The following ZNF236 variants were observed in gnomAD, a reference collection of about 807,000 sequenced individuals.
The protein encoded by ZNF236 is regulated by glucose.
In ZNF236, 50 loss-of-function variants were observed where a neutral mutation model predicts 191.2. The ratio of observed to expected loss-of-function variants is 0.26; its 90% CI spans 0.21 to 0.33. The LOEUF (loss-of-function observed/expected upper bound fraction) is 0.33, where lower values mean the gene tolerates loss of function less well. Ranked by LOEUF, ZNF236 falls within the 10% of genes least tolerant of loss-of-function variation. The pLI, the probability that ZNF236 is intolerant of heterozygous loss-of-function variation, is 1.00. For synonymous variants in ZNF236, 907 were observed against 928.8 expected (o/e 0.98, Z 0.43); for missense variants, 1,754 against 2,374.5 (o/e 0.74, Z 5.43).
At chr18:76,895,968 C>T (rs472676) in intron 10 of ZNF236, among the ~76,000 whole-genome samples, 49,556 of 151,830 alleles carry the variant, frequency 0.33, 8,665 homozygotes, top group East Asian at 0.52. Flanking sequence ...AAGTATGGCC[C>T]GCAGTGCTGC....
At position 76,919,522 on chromosome 18, in the gene ZNF236, G is replaced by A. The variant is rs987158277; in HGVS notation, c.3275-254G>A. 3.3e-5 allele frequency among the ~76,000 whole-genome samples: 5 copies of A among 152,042 alleles called. No homozygotes were observed. Among genetic ancestry groups the A allele is most frequent in the Non-Finnish European group, 2.9e-5 (2 of 68,010 alleles). On this transcript the variant is annotated intron_variant, in intron 19 of 30. Coordinates refer to ENST00000320610, the MANE Select transcript of ZNF236 (RefSeq NM_001306089.2). The surrounding 1 kb of genome is among the most constrained non-coding windows in gnomAD (Gnocchi z 5.3). Reference sequence around the variant, plus strand: ...TAGAGCTTATTCCTTCTATCTAAGCGGATGTTTTCACCCCTTCACCAACCT... The same window carrying A: ...TAGAGCTTATTCCTTCTATCTAAGCAGATGTTTTCACCCCTTCACCAACCT...
At chr18:76,964,855 C>A (rs376461481) in intron 30 of ZNF236, among the ~76,000 whole-genome samples, 2 of 152,112 alleles carry the variant, frequency 1.3e-5, no homozygotes, top group Non-Finnish European at 2.9e-5. Flanking sequence ...GATGACAATG[C>A]GACTAAGCAA....
At chr18:76,959,112 A>C (rs1262192199) in intron 28 of ZNF236, among the ~76,000 whole-genome samples, 2 of 152,244 alleles carry the variant, frequency 1.3e-5, no homozygotes, top group East Asian at 1.9e-4. Context: ...TCACAACAGG[A>C]GAAGGGAACA....
chr18:76,876,200 G>A (rs1568207859), intron 6 of ZNF236, among the ~76,000 whole-genome samples: 1 of 152,192 alleles, frequency 6.6e-6, no homozygotes, highest in African/African-American at 2.4e-5. Context: ...AGAGCATACT[G>A]ATGTGTAGAT....
chr18:76,893,650 G>A (rs1977313943), intron 9 of ZNF236, among the ~76,000 whole-genome samples: 1 of 152,112 alleles, frequency 6.6e-6, no homozygotes, highest in Non-Finnish European at 1.5e-5. Context: ...TGGAACCACA[G>A]GCATGCACCA....
intron 12 of ZNF236, 64 bp downstream of exon 12, chr18:76,904,585 G>A (rs1448842985): frequency 1.3e-5 from 18 of 1,439,192 alleles, no homozygotes; most frequent in East Asian, 5.1e-5. Flanking sequence ...ACCTGATGAC[G>A]TCTAGAAGTA....
intron 26 of ZNF236, among the ~76,000 whole-genome samples, chr18:76,947,195 A>G (rs540866700): frequency 6.6e-6 from 1 of 152,218 alleles, no homozygotes; most frequent in Non-Finnish European, 1.5e-5. Context: ...AGGCTCCTCC[A>G]TGCTGTAGCA....
chr18:76,841,407 T>C (rs1413416063), intron 1 of ZNF236, among the ~76,000 whole-genome samples: 1 of 152,220 alleles, frequency 6.6e-6, no homozygotes, highest in East Asian at 1.9e-4. Context: ...TCTGCTGTAA[T>C]AATATGAGCG....
chr18:76,958,964 A>G (rs760531379), intron 28 of ZNF236, among the ~76,000 whole-genome samples: 6 of 152,214 alleles, frequency 3.9e-5, no homozygotes, highest in Non-Finnish European at 7.3e-5. Flanking sequence ...CTGAGATTCT[A>G]TTAGGATAAT....
intron 1 of ZNF236, among the ~76,000 whole-genome samples, chr18:76,829,359 G>C (rs62113097): frequency 2.7e-5 from 4 of 147,732 alleles, no homozygotes; most frequent in African/African-American, 7.5e-5. Context: ...ACGGAGTCTC[G>C]CTCTGTCGCC....
At chr18:76,923,005 A>T in intron 20 of ZNF236, 66 bp from the exon 21 acceptor site, 1 of 1,210,834 alleles carries the variant, frequency 8.3e-7, no homozygotes, top group Non-Finnish European at 1.2e-6. Flanking sequence ...TTTAATTTAT[A>T]TAGTTATAAA....
chr18:76,827,306 C>T (rs1019377118), intron 1 of ZNF236, among the ~76,000 whole-genome samples: 5 of 152,166 alleles, frequency 3.3e-5, no homozygotes, highest in Non-Finnish European at 7.3e-5. Flanking sequence ...CTGCCTCAGC[C>T]TCCTGAGTAG....
At chr18:76,869,175 G>T (rs1976511796) in intron 4 of ZNF236, among the ~76,000 whole-genome samples, 1 of 152,212 alleles carries the variant, frequency 6.6e-6, no homozygotes, top group African/African-American at 2.4e-5. Flanking sequence ...GGTTTAATTA[G>T]TACTCCTTTT....
chr18:76,834,139 A>G (rs1409251168), intron 1 of ZNF236, among the ~76,000 whole-genome samples: 1 of 152,166 alleles, frequency 6.6e-6, no homozygotes, highest in African/African-American at 2.4e-5. Context: ...AACATTATTC[A>G]TAAGTATCTC....
At position 76,895,276 on chromosome 18, in the gene ZNF236, C is replaced by T. The variant is rs1014845161; in HGVS notation, c.1681C>T (p.Leu561=). The T allele has an allele frequency of 8.1e-6, 13 of 1,599,302 alleles. No individual in the cohort carries two copies. In the African/African-American group the frequency reaches 1.6e-4, roughly 20 times the overall value. Residue 561 remains leucine, a synonymous_variant, in exon 10 of 31, where the codon CTG becomes TTG. Transcript: ENST00000320610. ...TGGCAGCCTCAAGGTGCACATTCGCCTGCACACAGGTATGGCCTCAGGGCT... is the reference window on the plus strand; with the variant it reads ...TGGCAGCCTCAAGGTGCACATTCGCTTGCACACAGGTATGGCCTCAGGGCT... ...TSGSLKVHIR[L]HTGVRPFACP... is the part of the protein sequence containing the mutation.
rs1437402357 is a variant in ZNF236 at position 76,875,968 on chromosome 18, C to T, written c.840+304C>T. ...TGTCATTCTAAATAATGTATTTCAT[C>T]CCTTTAGCAAACTTGAAACACAGGC... On this transcript the variant is annotated intron_variant, in intron 6 of 30. Coordinates refer to ENST00000320610, the MANE Select transcript of ZNF236 (RefSeq NM_001306089.2). This position sits in a 1 kb window ranked among gnomAD's most constrained non-coding sequence, Gnocchi z 4.3. 6.6e-6 allele frequency among the ~76,000 whole-genome samples: 1 copy of T among 152,098 alleles called. No homozygotes were observed.
At chr18:76,910,296 T>C (rs1967183926) in intron 15 of ZNF236, 127 bp downstream of exon 15, 1 of 782,292 alleles carries the variant, frequency 1.3e-6, no homozygotes, top group African/African-American at 1.7e-5. Context: ...CAAATAACTT[T>C]TTGCATGCAT....
chr18:76,875,543 G>A lies in ZNF236; in HGVS notation c.719G>A (p.Gly240Glu), dbSNP rs1394208156. The A allele has an allele frequency of 6.3e-7, 1 of 1,588,858 alleles. No homozygotes were observed. The highest frequency in any genetic ancestry group is 2.3e-5 in the East Asian group (1 of 43,514). The change falls in exon 6 of 31, where the codon GGG (glycine) becomes GAG (glutamate). Residue 240 changes from glycine to glutamate, a missense_variant. Around this residue, in one of 5 missense-constraint regions of ZNF236, gnomAD observed 336 missense variants for 495.1 expected, o/e 0.68. Coordinates refer to ENST00000320610, the MANE Select transcript of ZNF236 (RefSeq NM_001306089.2). The surrounding 1 kb of genome is among the most constrained non-coding windows in gnomAD (Gnocchi z 4.3). ...TGTGGAAAGGCTTTTAACCAGAAGG[G>A]GGCACTGCAGACCCACATGATCAAG... is the stretch of plus-strand genomic sequence containing the variant. ...SECGKAFNQK[G>E]ALQTHMIKHT...
intron 1 of ZNF236, among the ~76,000 whole-genome samples, chr18:76,829,405 G>A (rs1975105466): frequency 1.3e-5 from 2 of 150,702 alleles, no homozygotes; most frequent in South Asian, 4.2e-4. Context: ...TCGGCTCACT[G>A]TAATCTCTGC....
Sources: allele counts gnomAD v4.1 joint callset (sites outside exome capture counted in the v4.1 genomes callset), GRCh38; gene constraint gnomAD v4.1.1; regional missense constraint gnomAD v4.1.1; non-coding constraint Gnocchi (gnomAD v3.1); transcripts MANE v1.5; gene names NCBI Gene and HGNC (gene_info 2026-07-23, HGNC 2026-07-21).